Variants in SLC4A3 observed in about 807,000 individuals in gnomAD.
The protein encoded by SLC4A3 is solute carrier family 4 member 3.
SLC4A3 carries 47 observed loss-of-function variants against 114.2 expected under a neutral mutation model. That is an observed-to-expected ratio of 0.41 (90% CI 0.33 to 0.52). The LOEUF is 0.52. Among genes scored for constraint, SLC4A3 ranks in the 20% least tolerant of loss-of-function variants. SLC4A3 has a pLI of 0.21. For missense variants in SLC4A3, 1,312 were observed against 1,668.3 expected (o/e 0.79, Z 3.72); for synonymous variants, 693 against 710.3 (o/e 0.98, Z 0.39).
Position 219,633,092 on chromosome 2 carries a change from C to A in SLC4A3, c.1277+83C>A, listed in dbSNP as rs557376276. ...CATCCTCTTCCAAGTGGCTCCCAGC[C>A]TCTGCTTGAATGCCACAAGTGACAG... On this transcript the variant is annotated intron_variant, in intron 9 of 22. Transcript: ENST00000358055. The A allele has an allele frequency of 1.9e-4, 295 of 1,532,338 alleles. 1 individual carries two copies. The highest frequency in any genetic ancestry group is 2.5e-4 in the Non-Finnish European group (278 of 1,118,188). 94.9% of individuals were successfully genotyped at this position (1,532,338 alleles called of 1,614,324 possible).
Position 219,635,864 on chromosome 2 carries a change from C to G in SLC4A3, c.2164C>G (p.Pro722Ala). Reference sequence around the variant, plus strand: ...CTTCATCTACTTCGCAGCCCTCAGCCCTGCCATCACCTTCGGGGGGCTGCT... The same window carrying G: ...CTTCATCTACTTCGCAGCCCTCAGCGCTGCCATCACCTTCGGGGGGCTGCT... ...VLFIYFAALSPAITFGGLLGE... is the reference protein window; with the variant it reads ...VLFIYFAALSAAITFGGLLGE... Residue 722 changes from proline to alanine, a missense_variant, in exon 14 of 23, where the codon CCT becomes GCT. By Grantham distance (27) the Pro-to-Ala change is conservative (BLOSUM62 -1). Coordinates refer to ENST00000358055, the MANE Select transcript of SLC4A3 (RefSeq NM_005070.4). The G allele has an allele frequency of 6.5e-7, 1 of 1,539,692 alleles. No individual in the cohort carries two copies. Among genetic ancestry groups the G allele is most frequent in the African/African-American group, 1.4e-5 (1 of 72,698 alleles).
chr2:219,629,190 C>T lies in SLC4A3; in HGVS notation c.264C>T (p.Arg88=). The T allele has an allele frequency of 6.2e-7, 1 of 1,610,896 alleles. No individual in the cohort carries two copies. Among genetic ancestry groups the T allele is most frequent in the East Asian group, 2.2e-5 (1 of 44,844 alleles). The part of the protein sequence containing the change: ...SHHTHHPLSA[R]LPPPHKLRRL... The stretch of plus-strand genomic sequence containing the variant: ...ACACCCACCACCCGCTCTCAGCGCG[C>T]CTGCCTCCACCCCACAAGCTGCGGC... The change falls in exon 4 of 23, where the codon CGC becomes CGT. Residue 88 remains arginine (R), a synonymous_variant. Transcript: ENST00000358055.
Position 219,635,775 on chromosome 2 carries a change from G to T in SLC4A3, c.2075G>T (p.Arg692Leu). Residue 692 changes from arginine to leucine, a missense_variant, in exon 14 of 23, where the codon CGG becomes CTG. Transcript: ENST00000358055. ...FGGLVRDVRRRYPHYPSDLRD... is the reference protein window; with the variant it reads ...FGGLVRDVRRLYPHYPSDLRD... ...GGGCTTGTGCGGGATGTGAGGCGCC[G>T]GTACCCGCACTACCCCAGTGACCTG... The T allele has an allele frequency of 6.3e-7, 1 of 1,593,820 alleles. No individual in the cohort carries two copies. The highest frequency in any genetic ancestry group is 8.5e-7 in the Non-Finnish European group (1 of 1,172,632).
chr2:219,633,800 C>T (rs1574650815), intron 10 of SLC4A3, 80 bp from the exon 11 acceptor site: 7 of 1,540,792 alleles, frequency 4.5e-6, no homozygotes, highest in Non-Finnish European at 6.1e-6. Flanking sequence ...GTCTCAGAGC[C>T]AGGGCTGGAG....
rs999655005 is a variant in SLC4A3 at position 219,639,395 on chromosome 2, C to T, written c.3024-87C>T. ...AACTGTTGTCTGCACGTCCTCCCCC[C>T]ACCATCTCGTCTCTGTGTGCGTGCC... is the stretch of plus-strand genomic sequence containing the variant. On this transcript the variant is annotated intron_variant, in intron 19 of 22. Transcript: ENST00000358055. This position sits in a 1 kb window ranked among gnomAD's most constrained non-coding sequence, Gnocchi z 5.9. 2.0e-6 allele frequency: 3 copies of T among 1,477,196 alleles called. No homozygotes were observed. The highest frequency in any genetic ancestry group is 2.8e-6 in the Non-Finnish European group (3 of 1,082,566). The allele number at this position is 1,477,196 out of a possible 1,614,324, so 91.5% of individuals were successfully genotyped here.
chr2:219,641,847 A>T lies in SLC4A3; in HGVS notation c.*119A>T, dbSNP rs780740626. The stretch of plus-strand genomic sequence containing the variant: ...AGGACCCAGAGATGTGCCTGGAACC[A>T]CTCCTGATGCCATGGCTAGAGTGGC... On this transcript the variant is annotated 3_prime_UTR_variant, in exon 23 of 23. Coordinates refer to ENST00000358055, the MANE Select transcript of SLC4A3 (RefSeq NM_005070.4). This position sits in a 1 kb window ranked among gnomAD's most constrained non-coding sequence, Gnocchi z 4.0. The T allele has an allele frequency of 1.3e-6, 1 of 756,038 alleles. No individual in the cohort carries two copies. Among genetic ancestry groups the T allele is most frequent in the Non-Finnish European group, 2.2e-6 (1 of 450,548 alleles). 46.8% of individuals were successfully genotyped at this position (756,038 alleles called of 1,614,324 possible). A position where few individuals can be genotyped will look rare whatever the true frequency, so the allele number is the denominator to read the frequency against.
Position 219,633,883 on chromosome 2 carries a change from C to T in SLC4A3, c.1465C>T (p.Pro489Ser), listed in dbSNP as rs371184620. ...WPHDPDAKEKPLHMPGGDGHR... is the reference protein window; with the variant it reads ...WPHDPDAKEKSLHMPGGDGHR... ...TATTCCAGTTCTGCGTCCTCAGAAG[C>T]CCCTCCACATGCCTGGGGGAGATGG... is the stretch of plus-strand genomic sequence containing the variant. The change falls in exon 11 of 23, where the codon CCC (proline) becomes TCC (serine). Residue 489 changes from proline (P) to serine (S), a missense_variant. Physicochemically the swap from Pro to Ser is moderately conservative, Grantham distance 74. This residue lies in a region of SLC4A3 where 771 missense variants were observed against 977.7 expected (regional missense o/e 0.79). Coordinates refer to ENST00000358055, the MANE Select transcript of SLC4A3 (RefSeq NM_005070.4). The T allele has an allele frequency of 1.3e-6, 2 of 1,556,396 alleles. No homozygotes were observed. Among genetic ancestry groups the T allele is most frequent in the African/African-American group, 2.7e-5 (2 of 73,494 alleles).
chr2:219,629,545 G>A (rs1303855050), intron 4 of SLC4A3, 35 bp from the exon 5 acceptor site: 8 of 1,592,752 alleles, frequency 5.0e-6, no homozygotes, highest in Non-Finnish European at 6.9e-6. Context: ...ATGGTAGGTC[G>A]GGGCAAGGCC....
At position 219,640,761 on chromosome 2, in the gene SLC4A3, C is replaced by A. The variant is rs758828845; in HGVS notation, c.3448-28C>A. The stretch of plus-strand genomic sequence containing the variant: ...GGTGGGAGCAGGCCGGGACGCTGTG[C>A]ACTGGGGCCCACTGGCTGCTCCCCT... On this transcript the variant is annotated intron_variant, in intron 21 of 22. Transcript: ENST00000358055. 111 of 1,605,042 alleles carry A rather than the reference C, an allele frequency of 6.9e-5. No individual in the cohort carries two copies. In the South Asian group the frequency reaches 1.2e-3, roughly 17 times the overall value.
Position 219,633,983 on chromosome 2 carries a change from AGGAGGGCC to A in SLC4A3, c.1561+7_1561+14del. ...GAGGCCACGGTTGTGCTTGTGGGTG[AGGAGGGCC>A]GGGCGCCGGGGGCAGGGTCTGCAGT... On this transcript the variant is annotated splice_donor_5th_base_variant and intron_variant, in intron 11 of 22. Coordinates refer to ENST00000358055, the MANE Select transcript of SLC4A3 (RefSeq NM_005070.4). 6.5e-7 allele frequency: 1 copy of A among 1,549,082 alleles called. No homozygotes were observed. The highest frequency in any genetic ancestry group is 8.7e-7 in the Non-Finnish European group (1 of 1,145,464).
At position 219,639,634 on chromosome 2, in the gene SLC4A3, C is replaced by T; in HGVS notation, c.3176C>T (p.Ala1059Val). 5.0e-6 allele frequency: 8 copies of T among 1,613,754 alleles called. No homozygotes were observed. The highest frequency in any genetic ancestry group is 6.8e-6 in the Non-Finnish European group (8 of 1,180,038). ...GTCCGCTCCGTCACCCATGTCAATG[C>T]GTTGACAGTGATGCGTACTGCCATC... The part of the protein sequence containing the change: ...ATVRSVTHVN[A>V]LTVMRTAIAP... Residue 1059 changes from alanine to valine, a missense_variant, in exon 20 of 23, where the codon GCG becomes GTG. Around this residue, in one of 4 missense-constraint regions of SLC4A3, gnomAD observed 301 missense variants for 460.7 expected, o/e 0.65. Transcript: ENST00000358055. The surrounding 1 kb of genome is among the most constrained non-coding windows in gnomAD (Gnocchi z 5.9).
chr2:219,636,970 G>T lies in SLC4A3; in HGVS notation c.2535+96G>T. ...GAGGGGGAGGTATGGAGAACTAGGG[G>T]ACAAGGAGAGGGACTGTGTTGGGAG... On this transcript the variant is annotated intron_variant, in intron 16 of 22. Coordinates refer to ENST00000358055, the MANE Select transcript of SLC4A3 (RefSeq NM_005070.4). The surrounding 1 kb of genome is among the most constrained non-coding windows in gnomAD (Gnocchi z 5.5). The T allele has an allele frequency of 9.2e-7, 1 of 1,082,696 alleles. No individual in the cohort carries two copies. The highest frequency in any genetic ancestry group is 1.4e-5 in the South Asian group (1 of 70,682). 67.1% of individuals were successfully genotyped at this position (1,082,696 alleles called of 1,614,324 possible). A position where few individuals can be genotyped will look rare whatever the true frequency, so the allele number is the denominator to read the frequency against.
At position 219,638,264 on chromosome 2, in the gene SLC4A3, C is replaced by T. The variant is rs1461769520; in HGVS notation, c.2856+11C>T. 3 of 1,600,472 alleles carry T rather than the reference C, an allele frequency of 1.9e-6. No homozygotes were observed. Among genetic ancestry groups the T allele is most frequent in the Non-Finnish European group, 2.6e-6 (3 of 1,169,856 alleles). On this transcript the variant is annotated intron_variant, in intron 18 of 22. Transcript: ENST00000358055. This position sits in a 1 kb window ranked among gnomAD's most constrained non-coding sequence, Gnocchi z 7.5. ...GACACCTACACGCAGGTGAGGGAGC[C>T]CCAGCCTGTGGCAGCTGCTGTCACC...
intron 10 of SLC4A3, 107 bp from the exon 11 acceptor site, chr2:219,633,773 C>T (rs1699023813): frequency 2.0e-6 from 3 of 1,508,782 alleles, no homozygotes; most frequent in South Asian, 2.5e-5. Flanking sequence ...CCTGCCTACT[C>T]TGGGAGGGAG....
Position 219,637,511 on chromosome 2 carries a change from T to C in SLC4A3, c.2536-70T>C. 1 of 818,646 alleles carries C rather than the reference T, an allele frequency of 1.2e-6. No homozygotes were observed. Among genetic ancestry groups the C allele is most frequent in the Non-Finnish European group, 2.0e-6 (1 of 495,466 alleles). The allele number at this position is 818,646 out of a possible 1,614,324, so 50.7% of individuals were successfully genotyped here. On this transcript the variant is annotated intron_variant, in intron 16 of 22. Transcript: ENST00000358055. The surrounding 1 kb of genome is among the most constrained non-coding windows in gnomAD (Gnocchi z 4.6). ...GAGGGGCCACCCTCTCTCTCACAGG[T>C]GTACTGATGACGATGAAGTCAGGTC...
chr2:219,633,295 C>T lies in SLC4A3; in HGVS notation c.1299C>T (p.Asp433=). 1.3e-6 allele frequency: 2 copies of T among 1,576,894 alleles called. No individual in the cohort carries two copies. The highest frequency in any genetic ancestry group is 1.7e-6 in the Non-Finnish European group (2 of 1,159,974). Reference sequence around the variant, plus strand: ...CCAGCCATCCCAACGATGACAAGGACAGTGGCTTCTTTCCCCGAAACCCAT... The same window carrying T: ...CCAGCCATCCCAACGATGACAAGGATAGTGGCTTCTTTCCCCGAAACCCAT... ...LKHSHPNDDK[D]SGFFPRNPSS... Residue 433 remains aspartate, a synonymous_variant, in exon 10 of 23, where the codon GAC becomes GAT. Coordinates refer to ENST00000358055, the MANE Select transcript of SLC4A3 (RefSeq NM_005070.4).
chr2:219,632,869 C>T lies in SLC4A3; in HGVS notation c.1142-5C>T. On this transcript the variant is annotated splice_region_variant and splice_polypyrimidine_tract_variant and intron_variant, in intron 8 of 22. Coordinates refer to ENST00000358055, the MANE Select transcript of SLC4A3 (RefSeq NM_005070.4). ...TGCCCTCTCTGTGCCTGACTGTCCCCCTAGGAGCTGCCCTCCTGGACCTGG... is the reference window on the plus strand; with the variant it reads ...TGCCCTCTCTGTGCCTGACTGTCCCTCTAGGAGCTGCCCTCCTGGACCTGG... The T allele has an allele frequency of 6.2e-7, 1 of 1,614,030 alleles. No individual in the cohort carries two copies. The highest frequency in any genetic ancestry group is 8.5e-7 in the Non-Finnish European group (1 of 1,179,978).
At chr2:219,629,475 AGAG>A in intron 4 of SLC4A3, 54 bp downstream of exon 4, 1 of 1,599,064 alleles carries the variant, frequency 6.3e-7, no homozygotes, top group Non-Finnish European at 8.6e-7. Context: ...AGGGGTACAG[AGAG>A]GAGGAGAGGA....
chr2:219,634,453 C>T lies in SLC4A3; in HGVS notation c.1595C>T (p.Ala532Val), dbSNP rs542942149. 1 of 1,614,176 alleles carries T rather than the reference C, an allele frequency of 6.2e-7. No individual in the cohort carries two copies. The highest frequency in any genetic ancestry group is 1.3e-5 in the African/African-American group (1 of 75,034). The change falls in exon 12 of 23, where the codon GCC becomes GTC. Residue 532 changes from alanine to valine, a missense_variant. Ala to Val is a moderately conservative substitution (Grantham distance 64, BLOSUM62 0). Around this residue, in one of 4 missense-constraint regions of SLC4A3, gnomAD observed 771 missense variants for 977.7 expected, o/e 0.79. Transcript: ENST00000358055. ...CCTTTCTTGGAGCAGCCTGCAGCAG[C>T]CTTCGTGCGTCTGAATGAGGCTGTA... ...CVPFLEQPAA[A>V]FVRLNEAVLL...
Sources: allele counts gnomAD v4.1 joint callset, GRCh38; gene constraint gnomAD v4.1.1; regional missense constraint gnomAD v4.1.1; non-coding constraint Gnocchi (gnomAD v3.1); transcripts MANE v1.5; gene names NCBI Gene and HGNC (gene_info 2026-07-23, HGNC 2026-07-21).